CDH7: variants seen among roughly 807,000 people sequenced by gnomAD.
CDH7 encodes the protein cadherin-7.
CDH7 carries 25 observed loss-of-function variants against 71.8 expected under a neutral mutation model. The observed-to-expected ratio is 0.35, with a 90% CI of 0.25 to 0.49. The LOEUF is 0.49. CDH7 is among the 20% of genes least tolerant of loss of function. CDH7 has a pLI of 0.99. For missense variants in CDH7, 862 were observed against 974.6 expected, an observed-to-expected ratio of 0.88 and a Z score of 1.54; for synonymous variants, 381 against 363.8, an observed-to-expected ratio of 1.05 and a Z score of -0.54.
intron 2 of CDH7, among the ~76,000 whole-genome samples, chr18:65,790,220 CAAAAAA>C (rs10552878): frequency 1.7e-3 from 116 of 66,514 alleles, no homozygotes; most frequent in African/African-American, 5.9e-3. Flanking sequence ...GACTCTCTCT[CAAAAAA>C]AAAAAAAAAA....
intron 6 of CDH7, among the ~76,000 whole-genome samples, chr18:65,843,036 TTTTTA>T (rs1210444465): frequency 6.6e-6 from 1 of 152,158 alleles, no homozygotes; most frequent in East Asian, 1.9e-4. Flanking sequence ...GTGTATATGA[TTTTTA>T]TTTTTCAAAG....
rs35258266 is a variant in CDH7, at chr18:65,767,089, C to CTT, written c.210+4039_210+4040dup. Reference sequence around the variant, plus strand: ...TCCCTAGCTGTTAACATCACTCTTTCTTTCTTTTTTTTTTTTTTGGCTACT... The same window carrying CTT: ...TCCCTAGCTGTTAACATCACTCTTTCTTTTTCTTTTTTTTTTTTTTGGCTACT... On this transcript the variant is annotated intron_variant, in intron 2 of 11. Transcript: ENST00000397968. Among the ~76,000 whole-genome samples, 102 of 139,972 alleles carry CTT rather than the reference C, an allele frequency of 7.3e-4. 1 individual carries two copies. Among genetic ancestry groups the CTT allele is most frequent in the African/African-American group, 2.4e-3 (87 of 36,190 alleles). 91.8% of individuals were successfully genotyped at this position (139,972 alleles called of 152,430 possible).
chr18:65,785,236 C>CATATAT (rs60676977), intron 2 of CDH7, among the ~76,000 whole-genome samples: 10 of 150,180 alleles, frequency 6.7e-5, no homozygotes, highest in African/African-American at 2.4e-4. Context: ...TAATATATGT[C>CATATAT]ATATATATAT....
chr18:65,812,200 C>G (rs1911568739), intron 3 of CDH7, among the ~76,000 whole-genome samples: 1 of 151,978 alleles, frequency 6.6e-6, no homozygotes, highest in African/African-American at 2.4e-5. Context: ...ATCTCTTGAC[C>G]TTGTGATCTG....
chr18:65,750,896 A>T (rs1338375289), upstream of CDH7: 2 of 152,132 alleles, frequency 1.3e-5, no homozygotes, highest in Non-Finnish European at 2.9e-5. Flanking sequence ...GAGCAGACGC[A>T]GCGGGCCCCC....
chr18:65,856,694 G>T (rs1461764982), intron 7 of CDH7, among the ~76,000 whole-genome samples: 1 of 152,022 alleles, frequency 6.6e-6, no homozygotes, highest in Non-Finnish European at 1.5e-5. Flanking sequence ...AAGTGGGTGT[G>T]TGTTTTTTTC....
intron 2 of CDH7, among the ~76,000 whole-genome samples, chr18:65,767,099 T>C (rs1256446151): frequency 6.6e-6 from 1 of 150,904 alleles, no homozygotes; most frequent in Non-Finnish European, 1.5e-5. Context: ...CTTTCTTTTT[T>C]TTTTTTTTGG....
At chr18:65,770,485 A>G (rs1389159420) in intron 2 of CDH7, among the ~76,000 whole-genome samples, 4 of 152,230 alleles carry the variant, frequency 2.6e-5, no homozygotes, top group Non-Finnish European at 5.9e-5. Flanking sequence ...ATGTATTTAC[A>G]GGGTTGAAAT....
intron 1 of CDH7, among the ~76,000 whole-genome samples, chr18:65,756,617 G>C (rs1253794793): frequency 1.3e-5 from 2 of 152,216 alleles, no homozygotes. Context: ...AGACAGCAGA[G>C]AGCATGAGCA....
chr18:65,777,646 A>T (rs1445407629), intron 2 of CDH7, among the ~76,000 whole-genome samples: 2 of 152,146 alleles, frequency 1.3e-5, no homozygotes, highest in African/African-American at 4.8e-5. Flanking sequence ...AAAGTCTAGT[A>T]GGAATGCATG....
At chr18:65,869,445 G>A (rs1006709250) in intron 11 of CDH7, among the ~76,000 whole-genome samples, 1 of 150,684 alleles carries the variant, frequency 6.6e-6, no homozygotes, top group African/African-American at 2.4e-5. Context: ...CTACTTACTT[G>A]GTGTACTTTA....
chr18:65,870,272 G>A (rs969409633), intron 11 of CDH7, among the ~76,000 whole-genome samples: 5 of 152,132 alleles, frequency 3.3e-5, no homozygotes, highest in Non-Finnish European at 5.9e-5. Context: ...GTCCATAAGT[G>A]CAAGATAAAA....
intron 2 of CDH7, among the ~76,000 whole-genome samples, chr18:65,771,392 C>A (rs1480670668): frequency 6.6e-6 from 1 of 152,050 alleles, no homozygotes; most frequent in African/African-American, 2.4e-5. Context: ...GTAATCCCAG[C>A]ATTTTGAGAG....
chr18:65,811,658 G>A (rs1270494735), intron 3 of CDH7, among the ~76,000 whole-genome samples: 2 of 152,110 alleles, frequency 1.3e-5, no homozygotes, highest in Non-Finnish European at 2.9e-5. Context: ...GTAACGTTTA[G>A]TAAAACAGGA....
At chr18:65,782,867 A>G (rs1910364536) in intron 2 of CDH7, among the ~76,000 whole-genome samples, 1 of 152,184 alleles carries the variant, frequency 6.6e-6, no homozygotes, top group Non-Finnish European at 1.5e-5. Context: ...TGTGCCTAGG[A>G]ACACTGGACA....
chr18:65,848,823 T>A (rs546198138), intron 7 of CDH7, among the ~76,000 whole-genome samples: 1 of 110,596 alleles, frequency 9.0e-6, no homozygotes, highest in Non-Finnish European at 2.0e-5. Flanking sequence ...TAAAGGATAC[T>A]TGGATAATAT....
At chr18:65,750,646 C>G (rs1461347387), upstream of CDH7, 4 of 152,220 alleles carry the variant, frequency 2.6e-5, no homozygotes, top group Non-Finnish European at 4.4e-5. Flanking sequence ...TAGCCCCCAC[C>G]GGGTCTCTGG....
intron 7 of CDH7, among the ~76,000 whole-genome samples, chr18:65,857,455 A>G (rs998436321): frequency 1.6e-4 from 24 of 151,484 alleles, no homozygotes; most frequent in Admixed American, 1.2e-3. Flanking sequence ...TTGAGGTTAC[A>G]GTGATCCACT....
chr18:65,861,325 GTGTGTGTGTGTGTT>G (rs1460082379), intron 10 of CDH7, among the ~76,000 whole-genome samples: 1 of 14,598 alleles, frequency 6.9e-5, no homozygotes, highest in Non-Finnish European at 3.9e-4. Flanking sequence ...TCAATTCACC[GTGTGTGTGTGTGTT>G]TGTGTGTGTG....
Sources: gnomAD v4.1 joint callset for allele counts (sites outside exome capture counted in the v4.1 genomes callset) on GRCh38, gnomAD v4.1.1 for gene constraint, MANE v1.5 for transcripts, NCBI Gene and HGNC (gene_info 2026-07-23, HGNC 2026-07-21) for gene names.